Variants in PTK2 observed in about 807,000 individuals in gnomAD.
PTK2 encodes protein tyrosine kinase 2, also known as focal adhesion kinase 1.
Under a neutral mutation model 150.1 loss-of-function variants are expected in PTK2, and 45 were observed. The ratio of observed to expected loss-of-function variants is 0.30; its 90% confidence interval spans 0.24 to 0.38. The LOEUF is 0.38. PTK2 is among the 10% of genes least tolerant of loss of function. PTK2 has a pLI of 1.00. For synonymous variants in PTK2, 432 were observed against 449.2 expected, an observed-to-expected ratio of 0.96 and a Z score of 0.48; for missense variants, 919 against 1,307.3, an observed-to-expected ratio of 0.70 and a Z score of 4.58.
At chr8:140,979,307 T>TA (rs1161102542) in intron 1 of PTK2, among the ~76,000 whole-genome samples, 70 of 104,362 alleles carry the variant, frequency 6.7e-4, no homozygotes, top group Admixed American at 5.2e-3. Flanking sequence ...ACCTCACAGG[T>TA]AAAAAAAACA....
chr8:140,751,988 C>T (rs754558771), intron 17 of PTK2: 11 of 654,280 alleles, frequency 1.7e-5, no homozygotes, highest in South Asian at 5.6e-5. Flanking sequence ...GTGTAATGGC[C>T]TAAGTACCAA....
intron 26 of PTK2, chr8:140,687,235 G>A (rs1387071775): frequency 6.4e-6 from 1 of 155,414 alleles, no homozygotes; most frequent in Non-Finnish European, 1.4e-5. Context: ...CCTTTATGGT[G>A]AAGGAACAGG....
chr8:140,700,523 G>T (rs142658074), intron 26 of PTK2, among the ~76,000 whole-genome samples: 2 of 148,424 alleles, frequency 1.3e-5, no homozygotes, highest in Non-Finnish European at 3.0e-5. Context: ...TTCACTCGTC[G>T]CCCAGGCTGG....
At chr8:140,675,385 G>A (rs757667161) in intron 28 of PTK2, 75 bp downstream of exon 31, 34 of 1,491,320 alleles carry the variant, frequency 2.3e-5, no homozygotes, top group Non-Finnish European at 3.2e-5. Flanking sequence ...CCAAAGCTAC[G>A]ACACTATATA....
intron 15 of PTK2, among the ~76,000 whole-genome samples, chr8:140,763,865 C>T (rs1345129681): frequency 1.3e-5 from 2 of 151,904 alleles, no homozygotes; most frequent in African/African-American, 4.8e-5. Flanking sequence ...GTGTATTATA[C>T]ATATATGGAT....
intron 2 of PTK2, among the ~76,000 whole-genome samples, chr8:140,905,830 A>G (rs1256147018): frequency 2.6e-5 from 4 of 152,200 alleles, no homozygotes; most frequent in Non-Finnish European, 5.9e-5. Flanking sequence ...CTCAGACCAC[A>G]GTGCAATCAA....
chr8:140,910,173 A>G (rs550503365), intron 2 of PTK2, among the ~76,000 whole-genome samples: 71 of 152,324 alleles, frequency 4.7e-4, no homozygotes, highest in Non-Finnish European at 3.5e-4. Context: ...CAGTATTAAC[A>G]TATATGATAT....
At chr8:140,692,752 C>G (rs192919152) in intron 26 of PTK2, among the ~76,000 whole-genome samples, 1 of 152,148 alleles carries the variant, frequency 6.6e-6, no homozygotes, top group East Asian at 1.9e-4. Context: ...TTTCACTATA[C>G]TGTATTGCTT....
intron 26 of PTK2, among the ~76,000 whole-genome samples, chr8:140,689,487 G>A (rs73714731): frequency 0.035 from 5,286 of 152,210 alleles, 289 homozygotes; most frequent in African/African-American, 0.12. Context: ...TTTCTAGAAA[G>A]GGCATTCTGT....
In PTK2 at chr8:140,735,270, C is replaced by A; in HGVS notation, c.2011G>T (p.Glu671Ter). ...TCCTACCTGAGCTGAGCTTTAAGTT[C>A]AGTAAACCTGGGCCGCCTGCTGGGG... is the stretch of plus-strand genomic sequence containing the variant. Residue 671 changes from glutamate to a stop codon, truncating the protein, a stop_gained, in exon 22 of 32, where the codon GAA becomes TAA. Transcript: ENST00000522684. LOFTEE classifies it high-confidence loss of function. The A allele has an allele frequency of 6.2e-7, 1 of 1,613,938 alleles. No homozygotes were observed. Among genetic ancestry groups the A allele is most frequent in the South Asian group, 1.1e-5 (1 of 91,056 alleles).
chr8:140,920,931 G>T (rs2100167145), intron 2 of PTK2: 1 of 1,493,516 alleles, frequency 6.7e-7, no homozygotes, highest in Non-Finnish European at 8.8e-7. Context: ...ATCCTATAAA[G>T]ATCAAGCCAG....
intron 2 of PTK2, among the ~76,000 whole-genome samples, chr8:140,894,483 T>TTCA (rs1280053731): frequency 1.3e-5 from 2 of 152,188 alleles, no homozygotes; most frequent in African/African-American, 4.8e-5. Flanking sequence ...TAAATGCCCA[T>TTCA]TCATGGGAGA....
At chr8:140,744,851 C>A (rs1187115889) in intron 18 of PTK2, 84 bp from the exon 22 acceptor site, 10 of 677,392 alleles carry the variant, frequency 1.5e-5, no homozygotes, top group Non-Finnish European at 2.3e-5. Flanking sequence ...AAGCTACATT[C>A]AACAATAATG....
chr8:140,944,402 G>C (rs2100176938), intron 1 of PTK2, among the ~76,000 whole-genome samples: 1 of 152,170 alleles, frequency 6.6e-6, no homozygotes, highest in Non-Finnish European at 1.5e-5. Context: ...ACTCCCAATT[G>C]TGCACTGTGG....
chr8:140,805,395 C>G (rs2100097620), intron 10 of PTK2, among the ~76,000 whole-genome samples: 1 of 151,912 alleles, frequency 6.6e-6, no homozygotes, highest in African/African-American at 2.4e-5. Context: ...CCCGTCACTA[C>G]TAAAAATACA....
At chr8:140,914,236 A>T (rs2100164301) in intron 2 of PTK2, among the ~76,000 whole-genome samples, 1 of 152,202 alleles carries the variant, frequency 6.6e-6, no homozygotes, top group African/African-American at 2.4e-5. Flanking sequence ...TAAAATATTC[A>T]GGGATAACTG....
chr8:140,840,289 C>A (rs1299235957), intron 7 of PTK2, among the ~76,000 whole-genome samples: 1 of 152,182 alleles, frequency 6.6e-6, no homozygotes, highest in African/African-American at 2.4e-5. Context: ...AGCCATCTTC[C>A]TACCCTGGCC....
At chr8:140,724,378 T>C (rs1417441347) in intron 22 of PTK2, among the ~76,000 whole-genome samples, 1 of 152,220 alleles carries the variant, frequency 6.6e-6, no homozygotes, top group Admixed American at 6.5e-5. Flanking sequence ...CTGTAATATT[T>C]TCCCTGAGAC....
intron 23 of PTK2, among the ~76,000 whole-genome samples, chr8:140,710,037 G>C (rs1436710257): frequency 6.6e-6 from 1 of 152,098 alleles, no homozygotes; most frequent in Non-Finnish European, 1.5e-5. Flanking sequence ...ATGTAAGCCG[G>C]GTGCAGTGGC....
Sources: gnomAD v4.1 joint callset for allele counts (sites outside exome capture counted in the v4.1 genomes callset) on GRCh38, gnomAD v4.1.1 for gene constraint, MANE v1.5 for transcripts, NCBI Gene and HGNC (gene_info 2026-07-23, HGNC 2026-07-21) for gene names.